The following FMO4 variants were observed in gnomAD, a reference collection of about 807,000 sequenced individuals.
FMO4 encodes the protein dimethylaniline monooxygenase [N-oxide-forming] 4.
A neutral mutation model predicts 43.3 loss-of-function variants in FMO4; 38 were observed. That is an observed-to-expected ratio of 0.88 (90% CI 0.68 to 1.15). The LOEUF (loss-of-function observed/expected upper bound fraction) is 1.15, where lower values mean the gene tolerates loss of function less well. FMO4 is among the 50% of genes most tolerant of loss of function. The pLI, the probability that FMO4 is intolerant of heterozygous loss-of-function variation, is 0.00. For missense variants in FMO4, 631 were observed against 663.3 expected (o/e 0.95, Z 0.54); for synonymous variants, 224 against 232.2 (o/e 0.96, Z 0.32).
At chr1:171,322,922 A>G in intron 3 of FMO4, 82 bp from the exon 4 acceptor site, 1 of 975,742 alleles carries the variant, frequency 1.0e-6, no homozygotes, top group South Asian at 1.4e-5. Context: ...GCCCTCAGTG[A>G]GGCTAGCATG....
At position 171,334,606 on chromosome 1, in the gene FMO4, T is replaced by C; in HGVS notation, c.1023T>C (p.Leu341=). The C allele has an allele frequency of 6.2e-7, 1 of 1,613,612 alleles. No individual in the cohort carries two copies. Among genetic ancestry groups the C allele is most frequent in the Middle Eastern group, 1.7e-4 (1 of 6,056 alleles). The change falls in exon 8 of 10, where the codon CTT becomes CTC. Residue 341 remains leucine (L), a synonymous_variant. Coordinates refer to ENST00000367749, the MANE Select transcript of FMO4 (RefSeq NM_002022.3). ...CTTTTCCATTTTTTGAAGAACCTCT[T>C]AAAAGCCTCTGTACAAAGAAGATAT... ...TFSFPFFEEP[L]KSLCTKKIFL... is the part of the protein sequence containing the mutation.
Position 171,341,964 on chromosome 1 carries a change from G to A in FMO4, c.*125G>A, listed in dbSNP as rs753161926. 89 of 679,178 alleles carry A rather than the reference G, an allele frequency of 1.3e-4. 1 individual carries two copies. Among genetic ancestry groups the A allele is most frequent in the Non-Finnish European group, 2.0e-4 (80 of 407,660 alleles). The allele number at this position is 679,178 out of a possible 1,614,324, so 42.1% of individuals were successfully genotyped here. The stretch of plus-strand genomic sequence containing the variant: ...ATTCAGGCCCAGTCATCTCCTATCT[G>A]AATTATTGTATTATCTTCTTCTTTG... On this transcript the variant is annotated 3_prime_UTR_variant, in exon 10 of 10. Transcript: ENST00000367749.
rs750017217 is a variant in FMO4, at chr1:171,323,104, A to G, written c.233A>G (p.Tyr78Cys). 1.2e-6 allele frequency: 2 copies of G among 1,613,442 alleles called. No homozygotes were observed. Among genetic ancestry groups the G allele is most frequent in the Non-Finnish European group, 1.7e-6 (2 of 1,179,416 alleles). ...AGTGACTTCCCTTTCCACGAAGATT[A>G]TCCTAATTTCATGAACCATGAAAAA... ...CYSDFPFHEDYPNFMNHEKFW... is the reference protein window; with the variant it reads ...CYSDFPFHEDCPNFMNHEKFW... The change falls in exon 4 of 10, where the codon TAT becomes TGT. Residue 78 changes from tyrosine to cysteine, a missense_variant. By Grantham distance (194) the Tyr-to-Cys change is radical. Coordinates refer to ENST00000367749, the MANE Select transcript of FMO4 (RefSeq NM_002022.3).
Position 171,324,283 on chromosome 1 carries a change from C to G in FMO4, c.467C>G (p.Pro156Arg), listed in dbSNP as rs549051004. The G allele has an allele frequency of 6.2e-7, 1 of 1,607,584 alleles. No homozygotes were observed. Among genetic ancestry groups the G allele is most frequent in the Admixed American group, 1.7e-5 (1 of 58,830 alleles). The change falls in exon 5 of 10, where the codon CCT becomes CGT. Residue 156 changes from proline to arginine, a missense_variant. By Grantham distance (103) the Pro-to-Arg change is moderately radical. Coordinates refer to ENST00000367749, the MANE Select transcript of FMO4 (RefSeq NM_002022.3). ...CTGHFLNPHL[P>R]LEAFPGIHKF... ...GGACATTTCCTGAATCCCCATTTAC[C>G]TTTGGAAGCCTTTCCTGGTGAGTCA...
intron 1 of FMO4, 120 bp from the exon 2 acceptor site, chr1:171,316,066 T>C (rs898777123): frequency 1.3e-5 from 2 of 152,192 alleles, no homozygotes; most frequent in African/African-American, 4.8e-5. Context: ...GACCTGCACT[T>C]AGAGGTACCC....
At chr1:171,337,468 C>A in intron 9 of FMO4, 43 bp downstream of exon 9, 1 of 1,327,582 alleles carries the variant, frequency 7.5e-7, no homozygotes, top group Non-Finnish European at 1.1e-6. Context: ...ACAGTATATT[C>A]TGTTACAAAA....
At chr1:171,317,645 A>T (rs571297877) in intron 2 of FMO4, among the ~76,000 whole-genome samples, 1 of 152,338 alleles carries the variant, frequency 6.6e-6, no homozygotes, top group East Asian at 1.9e-4. Flanking sequence ...TACTTCCTCC[A>T]GTTCCCGCTG....
At chr1:171,334,809 G>C in intron 8 of FMO4, 46 bp downstream of exon 8, 1 of 1,142,580 alleles carries the variant, frequency 8.8e-7, no homozygotes. Context: ...CGTAAAATTG[G>C]TGCCCTGCCA....
At chr1:171,327,317 C>T (rs558693338) in intron 5 of FMO4, among the ~76,000 whole-genome samples, 165 of 152,332 alleles carry the variant, frequency 1.1e-3, no homozygotes, top group African/African-American at 3.4e-3. Flanking sequence ...ATCTTAATGC[C>T]TTCTCTTCTG....
At chr1:171,320,789 G>A (rs1011117271) in intron 3 of FMO4, among the ~76,000 whole-genome samples, 7 of 151,966 alleles carry the variant, frequency 4.6e-5, no homozygotes, top group Admixed American at 1.3e-4. Flanking sequence ...CAGCATGGGC[G>A]GCATAGTGAG....
intron 5 of FMO4, among the ~76,000 whole-genome samples, chr1:171,327,430 T>A (rs1382008576): frequency 6.6e-6 from 1 of 152,230 alleles, no homozygotes; most frequent in African/African-American, 2.4e-5. Context: ...GGCAAGTTGC[T>A]TAACCTCCCT....
intron 5 of FMO4, 78 bp from the exon 6 acceptor site, chr1:171,331,562 T>C (rs1161616856): frequency 2.1e-6 from 3 of 1,422,194 alleles, no homozygotes; most frequent in Non-Finnish European, 2.9e-6. Flanking sequence ...CTTCCCTTTT[T>C]CCACAGACCC....
In FMO4 at chr1:171,319,928, G is replaced by A. The variant is rs750763602; in HGVS notation, c.103G>A (p.Asp35Asn). 6 of 1,613,900 alleles carry A rather than the reference G, an allele frequency of 3.7e-6. No individual in the cohort carries two copies. The highest frequency in any genetic ancestry group is 5.1e-6 in the Non-Finnish European group (6 of 1,179,820). The change falls in exon 3 of 10, where the codon GAT (aspartate) becomes AAT (asparagine). Residue 35 changes from aspartate (D) to asparagine (N), a missense_variant. Asp to Asn is a conservative substitution (Grantham distance 23). Transcript: ENST00000367749. Reference sequence around the variant, plus strand: ...GGAGCCCACCTGCTTTGAGAGAAGTGATGACATTGGGGGATTATGGAAGTT... The same window carrying A: ...GGAGCCCACCTGCTTTGAGAGAAGTAATGACATTGGGGGATTATGGAAGTT... ...DLEPTCFERS[D>N]DIGGLWKFTE...
rs1187438257 is a variant in FMO4 at position 171,323,016 on chromosome 1, G to A, written c.145G>A (p.Asp49Asn). ...GLWKFTESSKDGMTRVYKSLV... is the reference protein window; with the variant it reads ...GLWKFTESSKNGMTRVYKSLV... ...GCCTTCACCACAGGAATCTTCCAAA[G>A]ATGGGATGACCAGGGTCTATAAGTC... is the stretch of plus-strand genomic sequence containing the variant. The change falls in exon 4 of 10, where the codon GAT becomes AAT. Residue 49 changes from aspartate (D) to asparagine (N), a missense_variant. Asp to Asn is a conservative substitution (Grantham distance 23, BLOSUM62 1). Coordinates refer to ENST00000367749, the MANE Select transcript of FMO4 (RefSeq NM_002022.3). The A allele has an allele frequency of 1.9e-6, 3 of 1,612,836 alleles. No individual in the cohort carries two copies. The highest frequency in any genetic ancestry group is 1.7e-6 in the Non-Finnish European group (2 of 1,179,178).
chr1:171,337,539 C>T, intron 9 of FMO4, 114 bp downstream of exon 9: 1 of 731,106 alleles, frequency 1.4e-6, no homozygotes, highest in Non-Finnish European at 2.4e-6. Context: ...GGAAATAACT[C>T]TGCATTAGGA....
At chr1:171,328,379 G>A (rs530177658) in intron 5 of FMO4, among the ~76,000 whole-genome samples, 8 of 152,154 alleles carry the variant, frequency 5.3e-5, no homozygotes, top group African/African-American at 1.4e-4. Context: ...GGTCGGGCGC[G>A]GTGGCTCACA....
chr1:171,317,888 T>G (rs1662259398), intron 2 of FMO4, among the ~76,000 whole-genome samples: 1 of 152,164 alleles, frequency 6.6e-6, no homozygotes, highest in Non-Finnish European at 1.5e-5. Context: ...CTGACTGAAA[T>G]TCCTAGGATT....
chr1:171,334,812 C>T lies in FMO4; in HGVS notation c.1180+49C>T, dbSNP rs566062431. ...CTCTCTTTGGATCGTAAAATTGGTG[C>T]CCTGCCATTTAGCTAAAATCAAACA... is the stretch of plus-strand genomic sequence containing the variant. On this transcript the variant is annotated intron_variant, in intron 8 of 9. Transcript: ENST00000367749. 1.4e-5 allele frequency: 16 copies of T among 1,111,160 alleles called. No homozygotes were observed. The South Asian group carries it at 2.3e-4, about 16-fold the overall frequency. 68.8% of individuals were successfully genotyped at this position (1,111,160 alleles called of 1,614,324 possible).
chr1:171,328,820 C>G (rs1039098232), intron 5 of FMO4, among the ~76,000 whole-genome samples: 1 of 152,098 alleles, frequency 6.6e-6, no homozygotes, highest in Non-Finnish European at 1.5e-5. Context: ...CAGACTTGAT[C>G]TGTGGGGCTT....
Sources: gnomAD v4.1 joint callset for allele counts (sites outside exome capture counted in the v4.1 genomes callset) on GRCh38, gnomAD v4.1.1 for gene constraint, MANE v1.5 for transcripts, NCBI Gene and HGNC (gene_info 2026-07-23, HGNC 2026-07-21) for gene names.